The following LRRC28 variants were observed in gnomAD, a reference collection of about 807,000 sequenced individuals.
The protein encoded by LRRC28 is leucine rich repeat containing 28.
A neutral mutation model predicts 45.7 loss-of-function variants in LRRC28; 39 were observed. The ratio of observed to expected loss-of-function variants is 0.85; its 90% CI spans 0.66 to 1.12. LRRC28 has a LOEUF of 1.12. LRRC28 is among the 50% of genes most tolerant of loss of function. LRRC28 has a pLI of 0.00. For synonymous variants in LRRC28, 206 were observed against 178.8 expected (o/e 1.15, Z -1.22); for missense variants, 435 against 438.5 (o/e 0.99, Z 0.07).
intron 9 of LRRC28, among the ~76,000 whole-genome samples, chr15:99,377,702 C>A (rs1011329305): frequency 1.3e-5 from 2 of 152,074 alleles, no homozygotes; most frequent in African/African-American, 4.8e-5. Context: ...TTTAATCCAT[C>A]TTGAATTAAT....
At chr15:99,343,612 C>T (rs1326577298) in intron 6 of LRRC28, among the ~76,000 whole-genome samples, 3 of 152,140 alleles carry the variant, frequency 2.0e-5, no homozygotes, top group East Asian at 1.9e-4. Context: ...AGCATCTGTA[C>T]GACGGACAGC....
intron 1 of LRRC28, among the ~76,000 whole-genome samples, chr15:99,254,339 A>C (rs2080953108): frequency 6.6e-6 from 1 of 152,106 alleles, no homozygotes; most frequent in Non-Finnish European, 1.5e-5. Context: ...GTGCTAGCTC[A>C]TTAGCCAGGA....
chr15:99,255,348 C>A (rs1439587126), intron 1 of LRRC28, among the ~76,000 whole-genome samples: 3 of 149,856 alleles, frequency 2.0e-5, no homozygotes, highest in Non-Finnish European at 4.4e-5. Flanking sequence ...CAGAGTGAGA[C>A]CCTGTCTCTA....
intron 2 of LRRC28, among the ~76,000 whole-genome samples, chr15:99,262,103 T>A (rs1441469234): frequency 2.0e-5 from 3 of 152,158 alleles, no homozygotes; most frequent in Non-Finnish European, 4.4e-5. Flanking sequence ...TATTTTTCCT[T>A]TTTAATAACA....
At chr15:99,294,812 G>A (rs1009061550) in intron 5 of LRRC28, among the ~76,000 whole-genome samples, 7 of 152,260 alleles carry the variant, frequency 4.6e-5, no homozygotes, top group Admixed American at 3.3e-4. Context: ...TCATAGCACC[G>A]TCTTGACCTC....
rs201123636 is a variant in LRRC28 at position 99,315,911 on chromosome 15, A to C, written c.386-18012A>C. 7.9e-5 allele frequency among the ~76,000 whole-genome samples: 12 copies of C among 152,334 alleles called. No homozygotes were observed. The East Asian group carries it at 2.1e-3, about 27-fold the overall frequency. Reference sequence around the variant, plus strand: ...AAGAACCTGTCTCCAAAAAAAGAAAAAGAAACATTATCTTCACCTACTAGA... The same window carrying C: ...AAGAACCTGTCTCCAAAAAAAGAAACAGAAACATTATCTTCACCTACTAGA... On this transcript the variant is annotated intron_variant, in intron 5 of 9. Coordinates refer to ENST00000301981, the MANE Select transcript of LRRC28 (RefSeq NM_144598.5).
intron 9 of LRRC28, among the ~76,000 whole-genome samples, chr15:99,377,773 T>C (rs971856177): frequency 1.6e-4 from 25 of 152,018 alleles, no homozygotes; most frequent in African/African-American, 5.6e-4. Flanking sequence ...CTAGCCAGTT[T>C]TCCCAGCACC....
At chr15:99,284,936 G>A in intron 3 of LRRC28, 5 of 607,674 alleles carry the variant, frequency 8.2e-6, no homozygotes, top group Non-Finnish European at 1.3e-5. Context: ...CACGACCAAA[G>A]TTGTCATTCC....
In LRRC28 at chr15:99,387,570, C is replaced by T. The variant is rs983229129; in HGVS notation, c.*1468C>T. On this transcript the variant is annotated 3_prime_UTR_variant, in exon 10 of 10. Coordinates refer to ENST00000301981, the MANE Select transcript of LRRC28 (RefSeq NM_144598.5). ...TAAACAGAAAGTCTGTGAGCCTCCA[C>T]CCTGCCAGAAAGAACTCTTCATGAA... The T allele has an allele frequency of 1.3e-5, 2 of 152,192 alleles. No individual in the cohort carries two copies. Among genetic ancestry groups the T allele is most frequent in the Non-Finnish European group, 2.9e-5 (2 of 68,034 alleles). The allele number at this position is 152,192 out of a possible 1,614,324, so 9.4% of individuals were successfully genotyped here.
chr15:99,349,241 C>T (rs1377975897), intron 6 of LRRC28, among the ~76,000 whole-genome samples: 1 of 151,976 alleles, frequency 6.6e-6, no homozygotes, highest in African/African-American at 2.4e-5. Context: ...CACGGTTATT[C>T]TCTTCTGGAA....
chr15:99,280,162 T>A (rs1345968105), intron 3 of LRRC28, among the ~76,000 whole-genome samples: 1 of 152,120 alleles, frequency 6.6e-6, no homozygotes, highest in Non-Finnish European at 1.5e-5. Flanking sequence ...GTATTTTTTT[T>A]AATTTCTGAG....
At chr15:99,285,436 T>C in intron 3 of LRRC28, 2 of 789,980 alleles carry the variant, frequency 2.5e-6, no homozygotes, top group Non-Finnish European at 4.5e-6. Flanking sequence ...GGTGTTGGGA[T>C]CTCCCATGAC....
chr15:99,340,783 T>G (rs181734244), intron 6 of LRRC28, among the ~76,000 whole-genome samples: 10 of 152,176 alleles, frequency 6.6e-5, no homozygotes, highest in Non-Finnish European at 1.3e-4. Flanking sequence ...CCCAAACATG[T>G]GACAAAATGA....
At chr15:99,321,945 A>G (rs759775652) in intron 5 of LRRC28, among the ~76,000 whole-genome samples, 5 of 152,220 alleles carry the variant, frequency 3.3e-5, no homozygotes, top group African/African-American at 7.2e-5. Context: ...GCTACAATTG[A>G]GAAATAGGGA....
At chr15:99,280,642 A>AT (rs2081760834) in intron 3 of LRRC28, among the ~76,000 whole-genome samples, 2 of 151,566 alleles carry the variant, frequency 1.3e-5, no homozygotes, top group Admixed American at 6.6e-5. Context: ...AAGGGTTTTC[A>AT]TTTTTTACAC....
At chr15:99,253,794 C>T (rs1046698920) in intron 1 of LRRC28, among the ~76,000 whole-genome samples, 1 of 152,220 alleles carries the variant, frequency 6.6e-6, no homozygotes, top group African/African-American at 2.4e-5. Flanking sequence ...CAGGAGATGA[C>T]TGTGGCTTGT....
At chr15:99,305,256 G>C (rs143739875) in intron 5 of LRRC28, among the ~76,000 whole-genome samples, 1 of 152,298 alleles carries the variant, frequency 6.6e-6, no homozygotes, top group African/African-American at 2.4e-5. Flanking sequence ...TTTCTGTCTT[G>C]CTAAATGGTA....
intron 2 of LRRC28, among the ~76,000 whole-genome samples, chr15:99,274,772 T>C (rs1048703532): frequency 6.6e-6 from 1 of 152,238 alleles, no homozygotes; most frequent in African/African-American, 2.4e-5. Context: ...TATGTAGTTA[T>C]AGCAGAATGG....
chr15:99,278,217 G>T lies in LRRC28; in HGVS notation c.209+1601G>T, dbSNP rs550567082. On this transcript the variant is annotated intron_variant, in intron 3 of 9. Coordinates refer to ENST00000301981, the MANE Select transcript of LRRC28 (RefSeq NM_144598.5). ...CTCTAGACAATGTGAAAGTGTCCTG[G>T]AGAGAGTGGACATCCTTGTCTTCTT... Among the ~76,000 whole-genome samples, 2 of 152,216 alleles carry T rather than the reference G, an allele frequency of 1.3e-5. 1 individual carries two copies. The highest frequency in any genetic ancestry group is 2.9e-5 in the Non-Finnish European group (2 of 68,010).
Sources: allele counts gnomAD v4.1 joint callset (sites outside exome capture counted in the v4.1 genomes callset), GRCh38; gene constraint gnomAD v4.1.1; transcripts MANE v1.5; gene names NCBI Gene and HGNC (gene_info 2026-07-23, HGNC 2026-07-21).